Variants in PIEZO2 observed in about 807,000 individuals in gnomAD.
PIEZO2 encodes the protein piezo type mechanosensitive ion channel component 2.
A neutral mutation model predicts 337.3 loss-of-function variants in PIEZO2; 172 were observed. The ratio of observed to expected loss-of-function variants is 0.51; its 90% CI spans 0.45 to 0.58. The LOEUF (loss-of-function observed/expected upper bound fraction) is 0.58, where lower values mean the gene tolerates loss of function less well. Ranked by LOEUF, PIEZO2 falls within the 20% of genes least tolerant of loss-of-function variation. The pLI is 0.00. For synonymous variants in PIEZO2, 1,251 were observed against 1,228.5 expected (o/e 1.02, Z -0.38); for missense variants, 3,028 against 3,391.3 (o/e 0.89, Z 2.66).
Position 10,746,139 on chromosome 18 carries a change from C to T in PIEZO2, c.4425-1908G>A, listed in dbSNP as rs954473511. 6.6e-6 allele frequency among the ~76,000 whole-genome samples: 1 copy of T among 152,198 alleles called. No individual in the cohort carries two copies. The highest frequency in any genetic ancestry group is 1.5e-5 in the Non-Finnish European group (1 of 68,042). On this transcript the variant is annotated intron_variant, in intron 30 of 55. Coordinates refer to ENST00000674853, the MANE Select transcript of PIEZO2 (RefSeq NM_001378183.1). The surrounding 1 kb of genome is among the most constrained non-coding windows in gnomAD (Gnocchi z 4.2). ...TGCTTAGCTGTCTCTCTGCCTACAG[C>T]GCTGCCTATACCCATCTATTCTCCA...
At position 10,726,384 on chromosome 18, in the gene PIEZO2, G is replaced by T. The variant is rs1378419822; in HGVS notation, c.5029+5023C>A. On this transcript the variant is annotated intron_variant, in intron 36 of 55. Transcript: ENST00000674853. This position sits in a 1 kb window ranked among gnomAD's most constrained non-coding sequence, Gnocchi z 5.9. ...CCCCGCAGGCACCCACTACCTGCGGGGCGGTAACAACGCGCGCCAGCCGTG... is the reference window on the plus strand; with the variant it reads ...CCCCGCAGGCACCCACTACCTGCGGTGCGGTAACAACGCGCGCCAGCCGTG... 1 of 1,522,604 alleles carries T rather than the reference G, an allele frequency of 6.6e-7. No homozygotes were observed. Among genetic ancestry groups the T allele is most frequent in the East Asian group, 2.5e-5 (1 of 40,680 alleles). The allele number at this position is 1,522,604 out of a possible 1,614,324, so 94.3% of individuals were successfully genotyped here. A position where few individuals can be genotyped will look rare whatever the true frequency, so the allele number is the denominator to read the frequency against.
At chr18:10,935,130 C>A (rs1240849086) in intron 3 of PIEZO2, among the ~76,000 whole-genome samples, 3 of 152,134 alleles carry the variant, frequency 2.0e-5, no homozygotes, top group African/African-American at 7.2e-5. Context: ...ATAGCTGTTA[C>A]CATTTTTTTA....
Position 10,794,228 on chromosome 18 carries a change from T to C in PIEZO2, c.1758+544A>G, listed in dbSNP as rs1015727626. 6.0e-5 allele frequency among the ~76,000 whole-genome samples: 9 copies of C among 148,950 alleles called. No individual in the cohort carries two copies. Among genetic ancestry groups the C allele is most frequent in the African/African-American group, 2.2e-4 (9 of 40,178 alleles). ...AAAATGGCCCATGAAAGCAAATAAG[T>C]AATGAGAAGAGTATGAACATTCTAA... On this transcript the variant is annotated intron_variant, in intron 13 of 55. Transcript: ENST00000674853. The surrounding 1 kb of genome is among the most constrained non-coding windows in gnomAD (Gnocchi z 6.6).
chr18:11,103,804 TGTGTGC>T (rs1284990229), intron 1 of PIEZO2, among the ~76,000 whole-genome samples: 9 of 151,008 alleles, frequency 6.0e-5, no homozygotes, highest in South Asian at 2.1e-4. Flanking sequence ...TGTGTGTGTG[TGTGTGC>T]GTGTGTGCGT....
intron 27 of PIEZO2, among the ~76,000 whole-genome samples, chr18:10,757,478 T>C (rs1421732274): frequency 3.4e-5 from 1 of 29,514 alleles, no homozygotes; most frequent in East Asian, 1.8e-3. Context: ...GGGATGAAGA[T>C]GAAAAATGGA....
rs550026826 is a variant in PIEZO2, at chr18:11,031,751, C to G, written c.160+34376G>C. ...ACTTACCCTTGGTTGTAAGTTGATT[C>G]CATGGTCCCTGGGGCAAAAGTTGAG... On this transcript the variant is annotated intron_variant, in intron 2 of 55. Transcript: ENST00000674853. This position sits in a 1 kb window ranked among gnomAD's most constrained non-coding sequence, Gnocchi z 4.7. Among the ~76,000 whole-genome samples the G allele has an allele frequency of 6.6e-6, 1 of 152,102 alleles. No homozygotes were observed. The highest frequency in any genetic ancestry group is 1.5e-5 in the Non-Finnish European group (1 of 68,036).
Position 11,001,740 on chromosome 18 carries a change from C to A in PIEZO2, c.161-22080G>T, listed in dbSNP as rs2035541606. On this transcript the variant is annotated intron_variant, in intron 2 of 55. Transcript: ENST00000674853. The surrounding 1 kb of genome is among the most constrained non-coding windows in gnomAD (Gnocchi z 5.3). Reference sequence around the variant, plus strand: ...TAAAAATACAAAAATGGGCCATGCACAGTGGCTCACACCTGTAACCCCAGC... The same window carrying A: ...TAAAAATACAAAAATGGGCCATGCAAAGTGGCTCACACCTGTAACCCCAGC... 6.6e-6 allele frequency among the ~76,000 whole-genome samples: 1 copy of A among 151,914 alleles called. No individual in the cohort carries two copies. Among genetic ancestry groups the A allele is most frequent in the African/African-American group, 2.4e-5 (1 of 41,336 alleles).
In PIEZO2 at chr18:11,028,000, A is replaced by C. The variant is rs1381022463; in HGVS notation, c.160+38127T>G. On this transcript the variant is annotated intron_variant, in intron 2 of 55. Coordinates refer to ENST00000674853, the MANE Select transcript of PIEZO2 (RefSeq NM_001378183.1). This position sits in a 1 kb window ranked among gnomAD's most constrained non-coding sequence, Gnocchi z 4.2. ...TCACAGAACAGGAAGACCTGCTATT[A>C]TGATTAGTGCAGGGTAACCTGCCAA... Among the ~76,000 whole-genome samples, 1 of 152,218 alleles carries C rather than the reference A, an allele frequency of 6.6e-6. No individual in the cohort carries two copies. Among genetic ancestry groups the C allele is most frequent in the Non-Finnish European group, 1.5e-5 (1 of 68,040 alleles).
intron 2 of PIEZO2, among the ~76,000 whole-genome samples, chr18:11,043,225 T>TACC (rs1555698753): frequency 2.1e-5 from 3 of 144,188 alleles, no homozygotes; most frequent in Admixed American, 7.1e-5. Context: ...AAAGAGGAAA[T>TACC]ATCTCCTCCC....
At chr18:10,864,202 C>G (rs927979101) in intron 5 of PIEZO2, among the ~76,000 whole-genome samples, 19 of 152,230 alleles carry the variant, frequency 1.2e-4, no homozygotes, top group Admixed American at 3.3e-4. Context: ...GTTTCAGAAT[C>G]AACAGTATTC....
Position 11,127,095 on chromosome 18 carries a change from C to T in PIEZO2, c.64+21430G>A, listed in dbSNP as rs190203121. On this transcript the variant is annotated intron_variant, in intron 1 of 55. Transcript: ENST00000674853. The surrounding 1 kb of genome is among the most constrained non-coding windows in gnomAD (Gnocchi z 4.5). The stretch of plus-strand genomic sequence containing the variant: ...GAGGCAGGAGGCAGATATTACTAAC[C>T]AAACTCACTAACATGAAAGAATTGA... Among the ~76,000 whole-genome samples the T allele has an allele frequency of 6.6e-6, 1 of 152,212 alleles. No homozygotes were observed. Among genetic ancestry groups the T allele is most frequent in the East Asian group, 1.9e-4 (1 of 5,178 alleles).
rs529598785 is a variant in PIEZO2, at chr18:10,768,917, C to T, written c.2946+1231G>A. 4.6e-5 allele frequency among the ~76,000 whole-genome samples: 7 copies of T among 152,298 alleles called. No homozygotes were observed. The East Asian group carries it at 9.7e-4, about 21-fold the overall frequency. ...ATGACAGCAGATTCTCTGCGTCCGACTCCCATGAATTTCCGCTCCCCCAAT... is the reference window on the plus strand; with the variant it reads ...ATGACAGCAGATTCTCTGCGTCCGATTCCCATGAATTTCCGCTCCCCCAAT... On this transcript the variant is annotated intron_variant, in intron 21 of 55. Transcript: ENST00000674853.
At chr18:10,799,622 C>G (rs188073334) in intron 11 of PIEZO2, among the ~76,000 whole-genome samples, 4 of 152,094 alleles carry the variant, frequency 2.6e-5, no homozygotes, top group African/African-American at 9.7e-5. Context: ...AGACAAAAAG[C>G]CTTGCAAAAG....
chr18:10,978,870 C>T (rs1007142488), intron 3 of PIEZO2, among the ~76,000 whole-genome samples: 2 of 152,130 alleles, frequency 1.3e-5, no homozygotes, highest in African/African-American at 4.8e-5. Context: ...AAGTAACAAT[C>T]ACACATCCTA....
At position 10,969,221 on chromosome 18, in the gene PIEZO2, G is replaced by A. The variant is rs779315970; in HGVS notation, c.286+10314C>T. 2.2e-4 allele frequency among the ~76,000 whole-genome samples: 34 copies of A among 152,276 alleles called. No individual in the cohort carries two copies. Among genetic ancestry groups the A allele is most frequent in the South Asian group, 2.1e-4 (1 of 4,818 alleles). ...GGTTGAGTTTACTTCCATACCACAC[G>A]GACTTGCGTTAGTGCTTTTATTGTA... On this transcript the variant is annotated intron_variant, in intron 3 of 55. Transcript: ENST00000674853. This position sits in a 1 kb window ranked among gnomAD's most constrained non-coding sequence, Gnocchi z 4.5.
Position 10,828,362 on chromosome 18 carries a change from A to C in PIEZO2, c.918-21088T>G, listed in dbSNP as rs2040743334. On this transcript the variant is annotated intron_variant, in intron 7 of 55. Transcript: ENST00000674853. The surrounding 1 kb of genome is among the most constrained non-coding windows in gnomAD (Gnocchi z 4.1). The stretch of plus-strand genomic sequence containing the variant: ...AACTAACCTGGACATCAGACAACGA[A>C]CCTCTTCAGAATGAGAAATGGAGCT... Among the ~76,000 whole-genome samples, 1 of 152,096 alleles carries C rather than the reference A, an allele frequency of 6.6e-6. No homozygotes were observed. Among genetic ancestry groups the C allele is most frequent in the South Asian group, 2.1e-4 (1 of 4,824 alleles).
chr18:10,822,656 T>C (rs2040552367), intron 7 of PIEZO2, among the ~76,000 whole-genome samples: 2 of 152,124 alleles, frequency 1.3e-5, no homozygotes. Context: ...AGTGAACCTG[T>C]GGACTAAAGA....
rs1301612044 is a variant in PIEZO2, at chr18:10,766,004, A to C, written c.2947-2906T>G. 6.6e-6 allele frequency among the ~76,000 whole-genome samples: 1 copy of C among 152,192 alleles called. No homozygotes were observed. The highest frequency in any genetic ancestry group is 1.5e-5 in the Non-Finnish European group (1 of 68,028). ...GAGAAGTCAAATCAGAGGAGGACTA[A>C]AGAGCCTCTGTGCGGTGAATATTTT... On this transcript the variant is annotated intron_variant, in intron 21 of 55. Transcript: ENST00000674853. The surrounding 1 kb of genome is among the most constrained non-coding windows in gnomAD (Gnocchi z 6.1).
rs998799748 is a variant in PIEZO2, at chr18:11,105,237, G to C, written c.65-39015C>G. Among the ~76,000 whole-genome samples, 1 of 152,126 alleles carries C rather than the reference G, an allele frequency of 6.6e-6. No individual in the cohort carries two copies. The highest frequency in any genetic ancestry group is 1.5e-5 in the Non-Finnish European group (1 of 68,024). On this transcript the variant is annotated intron_variant, in intron 1 of 55. Transcript: ENST00000674853. The surrounding 1 kb of genome is among the most constrained non-coding windows in gnomAD (Gnocchi z 4.3). ...CTTCTGAAACTTGCAACCAAAAAGAGTTACACGCCCAAAGACTGCAAACCA... is the reference window on the plus strand; with the variant it reads ...CTTCTGAAACTTGCAACCAAAAAGACTTACACGCCCAAAGACTGCAAACCA...
Sources: allele counts gnomAD v4.1 joint callset (sites outside exome capture counted in the v4.1 genomes callset), GRCh38; gene constraint gnomAD v4.1.1; non-coding constraint Gnocchi (gnomAD v3.1); transcripts MANE v1.5; gene names NCBI Gene and HGNC (gene_info 2026-07-23, HGNC 2026-07-21).